AHRR: variants seen among roughly 807,000 people sequenced by gnomAD.
AHRR encodes the protein aryl hydrocarbon receptor repressor, also known as ahR repressor.
In AHRR, 28 loss-of-function variants were observed where a neutral mutation model predicts 44.0. The observed-to-expected ratio is 0.64, with a 90% confidence interval of 0.47 to 0.87. The LOEUF (loss-of-function observed/expected upper bound fraction) is 0.87. Among genes scored for constraint, AHRR ranks in the 40% least tolerant of loss-of-function variants. The pLI, the probability that AHRR is intolerant of heterozygous loss-of-function variation, is 0.00. For missense variants in AHRR, 990 were observed against 953.9 expected (o/e 1.04, Z -0.50); for synonymous variants, 434 against 407.0 (o/e 1.07, Z -0.80).
intron 2 of AHRR, among the ~76,000 whole-genome samples, chr5:345,413 T>G (rs1365922021): frequency 8.6e-6 from 1 of 116,174 alleles, no homozygotes; most frequent in Admixed American, 8.2e-5. Context: ...TGTCCCTGGC[T>G]GTGTGTGTGT....
chr5:339,803 A>T (rs549985218), intron 1 of AHRR, among the ~76,000 whole-genome samples: 1 of 152,202 alleles, frequency 6.6e-6, no homozygotes, highest in East Asian at 1.9e-4. Flanking sequence ...TGAGATGATG[A>T]TGTGCATTTT....
At chr5:428,841 T>C (rs961504114) in intron 8 of AHRR, among the ~76,000 whole-genome samples, 2 of 152,176 alleles carry the variant, frequency 1.3e-5, no homozygotes, top group African/African-American at 4.8e-5. Context: ...AACCTAGGGC[T>C]CTCCCTCACA....
At chr5:384,332 T>C (rs1293994195) in intron 4 of AHRR, among the ~76,000 whole-genome samples, 1 of 152,212 alleles carries the variant, frequency 6.6e-6, no homozygotes, top group East Asian at 1.9e-4. Flanking sequence ...CTACTTCAAG[T>C]AAAACCTCAA....
intron 4 of AHRR, among the ~76,000 whole-genome samples, chr5:399,287 G>C (rs918734383): frequency 6.6e-6 from 1 of 152,242 alleles, no homozygotes; most frequent in Non-Finnish European, 1.5e-5. Flanking sequence ...CGGCAGGATG[G>C]GCCTGGCGCT....
At chr5:429,513 G>A (rs1381512989) in intron 8 of AHRR, among the ~76,000 whole-genome samples, 2 of 150,518 alleles carry the variant, frequency 1.3e-5, no homozygotes, top group African/African-American at 4.8e-5. Flanking sequence ...CTCAGCCCCC[G>A]GGTCCTTGGC....
In AHRR at chr5:387,142, T is replaced by C. The variant is rs1258168272; in HGVS notation, c.351+10426T>C. Among the ~76,000 whole-genome samples the C allele has an allele frequency of 6.6e-6, 1 of 152,220 alleles. No homozygotes were observed. The highest frequency in any genetic ancestry group is 2.4e-5 in the African/African-American group (1 of 41,440). On this transcript the variant is annotated intron_variant, in intron 4 of 10. Transcript: ENST00000684583. This position sits in a 1 kb window ranked among gnomAD's most constrained non-coding sequence, Gnocchi z 5.1. Reference sequence around the variant, plus strand: ...TTCACGTCAGTGCAGCTCAAAGTGCTTTACGCTGTGTCTCTGGTGTGTTCC... The same window carrying C: ...TTCACGTCAGTGCAGCTCAAAGTGCCTTACGCTGTGTCTCTGGTGTGTTCC...
intron 5 of AHRR, among the ~76,000 whole-genome samples, chr5:416,958 A>C (rs1326010465): frequency 6.6e-6 from 1 of 151,132 alleles, no homozygotes; most frequent in East Asian, 1.9e-4. Flanking sequence ...CCGAGTCTAG[A>C]GAAGGCCGCT....
At chr5:420,425 C>A (rs1244506963) in intron 5 of AHRR, among the ~76,000 whole-genome samples, 2 of 152,206 alleles carry the variant, frequency 1.3e-5, no homozygotes, top group African/African-American at 4.8e-5. Context: ...AGTGACCCCC[C>A]ACTGCTCACC....
At chr5:377,299 A>G (rs761728986) in intron 4 of AHRR, among the ~76,000 whole-genome samples, 1 of 152,174 alleles carries the variant, frequency 6.6e-6, no homozygotes, top group Non-Finnish European at 1.5e-5. Flanking sequence ...CCTAAACAAG[A>G]TAAGATGGTG....
chr5:409,985 A>T (rs1392691387), intron 4 of AHRR, among the ~76,000 whole-genome samples: 2 of 152,020 alleles, frequency 1.3e-5, no homozygotes, highest in African/African-American at 4.8e-5. Flanking sequence ...TTTCCATACA[A>T]ATCTCCAGCT....
intron 2 of AHRR, among the ~76,000 whole-genome samples, chr5:350,809 A>G (rs897502388): frequency 3.3e-5 from 5 of 152,116 alleles, no homozygotes; most frequent in Admixed American, 3.3e-4. Flanking sequence ...AAAGGTAACC[A>G]AAGATAAGAC....
In AHRR at chr5:343,973, T is replaced by C. The variant is rs775838343; in HGVS notation, c.62+9T>C. The C allele has an allele frequency of 1.3e-6, 2 of 1,594,092 alleles. No homozygotes were observed. Among genetic ancestry groups the C allele is most frequent in the Non-Finnish European group, 1.7e-6 (2 of 1,171,346 alleles). Reference sequence around the variant, plus strand: ...AGGCCCCTGCAGAAACAGTAAAGTATCCCGCCTTCTGCTTGTGTGGGTTGT... The same window carrying C: ...AGGCCCCTGCAGAAACAGTAAAGTACCCCGCCTTCTGCTTGTGTGGGTTGT... On this transcript the variant is annotated intron_variant, in intron 2 of 10. Coordinates refer to ENST00000684583, the MANE Select transcript of AHRR (RefSeq NM_001377236.1).
chr5:376,458 T>A, intron 3 of AHRR, 152 bp from the exon 4 acceptor site: 1 of 12,496 alleles, frequency 8.0e-5, no homozygotes, highest in Non-Finnish European at 2.1e-3. Flanking sequence ...TGTGGAATGC[T>A]GCGTGGCCTG....
At chr5:422,685 G>C in intron 5 of AHRR, 44 bp from the exon 6 acceptor site, 1 of 1,613,868 alleles carries the variant, frequency 6.2e-7, no homozygotes, top group Non-Finnish European at 8.5e-7. Flanking sequence ...AGTGTCTAAA[G>C]CCACTTGGGG....
intron 3 of AHRR, among the ~76,000 whole-genome samples, chr5:373,035 T>C (rs1054634256): frequency 6.6e-6 from 1 of 152,236 alleles, no homozygotes; most frequent in African/African-American, 2.4e-5. Flanking sequence ...ACATTCTCGC[T>C]GTTCCAAATG....
At chr5:331,436 G>A (rs1741908495) in intron 1 of AHRR, among the ~76,000 whole-genome samples, 1 of 152,010 alleles carries the variant, frequency 6.6e-6, no homozygotes, top group African/African-American at 2.4e-5. Flanking sequence ...TCTTCTCTCT[G>A]TTAGTCTAGC....
In AHRR at chr5:432,935, A is replaced by T. The variant is rs765003828; in HGVS notation, c.1100A>T (p.Lys367Met). The T allele has an allele frequency of 6.2e-7, 1 of 1,605,204 alleles. No homozygotes were observed. The highest frequency in any genetic ancestry group is 2.2e-5 in the East Asian group (1 of 44,714). ...RGGPDLVLDPKGGSGDREEEQ... is the reference protein window; with the variant it reads ...RGGPDLVLDPMGGSGDREEEQ... Reference sequence around the variant, plus strand: ...GGCCCTGACCTTGTCCTTGACCCCAAGGGGGGCTCAGGGTAAGTGGTGCCA... The same window carrying T: ...GGCCCTGACCTTGTCCTTGACCCCATGGGGGGCTCAGGGTAAGTGGTGCCA... Residue 367 changes from lysine (K) to methionine (M), a missense_variant, in exon 10 of 11, where the codon AAG (lysine) becomes ATG (methionine). Coordinates refer to ENST00000684583, the MANE Select transcript of AHRR (RefSeq NM_001377236.1).
intron 1 of AHRR, among the ~76,000 whole-genome samples, chr5:341,985 G>T (rs1169589965): frequency 6.6e-6 from 1 of 151,990 alleles, no homozygotes; most frequent in African/African-American, 2.4e-5. Flanking sequence ...TTTAAAAGTG[G>T]GTTGCTTTCC....
intron 8 of AHRR, 104 bp downstream of exon 8, chr5:428,110 C>A: frequency 1.5e-6 from 2 of 1,304,898 alleles, no homozygotes; most frequent in Non-Finnish European, 2.1e-6. Context: ...CATTTCCAGC[C>A]AGTAATAAGT....
Sources: allele counts gnomAD v4.1 joint callset (sites outside exome capture counted in the v4.1 genomes callset), GRCh38; gene constraint gnomAD v4.1.1; non-coding constraint Gnocchi (gnomAD v3.1); transcripts MANE v1.5; gene names NCBI Gene and HGNC (gene_info 2026-07-23, HGNC 2026-07-21).